LUZP2: variants seen among roughly 807,000 people sequenced by gnomAD.
The protein encoded by LUZP2 is leucine zipper protein 2.
LUZP2 carries 52 observed loss-of-function variants against 51.6 expected under a neutral mutation model. The observed-to-expected ratio is 1.01, with a 90% CI of 0.81 to 1.27. LUZP2 has a LOEUF of 1.27. Among genes scored for constraint, LUZP2 ranks in the 50% most tolerant of loss-of-function variants. The pLI is 0.00. For synonymous variants in LUZP2, 154 were observed against 137.3 expected (o/e 1.12, Z -0.85); for missense variants, 436 against 395.4 (o/e 1.10, Z -0.87).
chr11:24,965,114 C>T (rs1176773833), intron 7 of LUZP2, among the ~76,000 whole-genome samples: 5 of 151,046 alleles, frequency 3.3e-5, no homozygotes, highest in East Asian at 3.9e-4. Context: ...TATAGGAAGA[C>T]GTCTAAACCA....
chr11:24,603,178 A>G (rs961593327), intron 1 of LUZP2, among the ~76,000 whole-genome samples: 5 of 151,786 alleles, frequency 3.3e-5, no homozygotes, highest in Non-Finnish European at 7.4e-5. Context: ...AGGTCCTGAG[A>G]ATTAATGTGA....
intron 5 of LUZP2, among the ~76,000 whole-genome samples, chr11:24,873,769 A>C (rs1234462746): frequency 1.3e-5 from 2 of 152,194 alleles, no homozygotes; most frequent in African/African-American, 4.8e-5. Flanking sequence ...CTGCCTTTGA[A>C]AAGCTGTGTG....
At position 25,077,313 on chromosome 11, in the gene LUZP2, A is replaced by G; in HGVS notation, c.859-16A>G. On this transcript the variant is annotated splice_polypyrimidine_tract_variant and intron_variant, in intron 10 of 11. Coordinates refer to ENST00000336930, the MANE Select transcript of LUZP2 (RefSeq NM_001009909.4). ...CTTTAACTTCATTGATGTATTTTTAATTGCTACTTTTGTAGGAGGGCAGAC... is the reference window on the plus strand; with the variant it reads ...CTTTAACTTCATTGATGTATTTTTAGTTGCTACTTTTGTAGGAGGGCAGAC... 1.9e-6 allele frequency: 3 copies of G among 1,597,548 alleles called. No homozygotes were observed. The highest frequency in any genetic ancestry group is 2.6e-6 in the Non-Finnish European group (3 of 1,165,886).
At chr11:24,614,125 G>T (rs888194007) in intron 1 of LUZP2, among the ~76,000 whole-genome samples, 2 of 151,860 alleles carry the variant, frequency 1.3e-5, no homozygotes, top group African/African-American at 4.8e-5. Context: ...GTAGATTTTT[G>T]AATGGATTCT....
intron 1 of LUZP2, among the ~76,000 whole-genome samples, chr11:24,587,350 TCCC>T: frequency 6.6e-6 from 1 of 152,108 alleles, no homozygotes; most frequent in African/African-American, 2.4e-5. Context: ...AATTCAGAAT[TCCC>T]TATCTGGAAT....
At chr11:24,703,033 G>T (rs1156602392) in intron 1 of LUZP2, among the ~76,000 whole-genome samples, 1 of 152,216 alleles carries the variant, frequency 6.6e-6, no homozygotes, top group Non-Finnish European at 1.5e-5. Flanking sequence ...AGTTAAGACA[G>T]AGGAGACTGA....
At chr11:24,554,701 A>ATTTTTT (rs397747044) in intron 1 of LUZP2, among the ~76,000 whole-genome samples, 74,401 of 133,284 alleles carry the variant, frequency 0.56, 21,836 homozygotes, top group East Asian at 0.69. Flanking sequence ...TGGTTATTTA[A>ATTTTTT]TTTTTTTTTT....
At chr11:24,621,872 T>A (rs1342635278) in intron 1 of LUZP2, among the ~76,000 whole-genome samples, 1 of 152,052 alleles carries the variant, frequency 6.6e-6, no homozygotes, top group African/African-American at 2.4e-5. Flanking sequence ...TGTAGTCTCC[T>A]TTTCTTATTT....
intron 1 of LUZP2, among the ~76,000 whole-genome samples, chr11:24,512,071 C>T (rs1415899587): frequency 6.6e-6 from 1 of 152,094 alleles, no homozygotes. Context: ...TTTTGTCCAA[C>T]TGGGAGAGGG....
chr11:24,573,156 G>A (rs1852496324), intron 1 of LUZP2, among the ~76,000 whole-genome samples: 1 of 151,876 alleles, frequency 6.6e-6, no homozygotes, highest in African/African-American at 2.4e-5. Flanking sequence ...AGATACCAGA[G>A]TAACAAGCAT....
chr11:24,646,103 G>C (rs949847664), intron 1 of LUZP2, among the ~76,000 whole-genome samples: 1 of 151,968 alleles, frequency 6.6e-6, no homozygotes, highest in African/African-American at 2.4e-5. Flanking sequence ...GATAACATCA[G>C]CTTCAAAGTG....
chr11:24,939,396 CT>C (rs1399178238), intron 7 of LUZP2, among the ~76,000 whole-genome samples: 2 of 151,986 alleles, frequency 1.3e-5, no homozygotes, highest in Non-Finnish European at 2.9e-5. Context: ...ACAAGTATTT[CT>C]ACCACTCTCG....
At chr11:24,553,190 G>A (rs570618967) in intron 1 of LUZP2, among the ~76,000 whole-genome samples, 1 of 151,654 alleles carries the variant, frequency 6.6e-6, no homozygotes, top group Admixed American at 6.6e-5. Flanking sequence ...ATTTCTGTGC[G>A]TGTTGAATAA....
chr11:24,623,522 G>A (rs550551974), intron 1 of LUZP2, among the ~76,000 whole-genome samples: 6 of 152,144 alleles, frequency 3.9e-5, no homozygotes, highest in South Asian at 2.1e-4. Context: ...TGGAAATGTC[G>A]TATCACAGCT....
chr11:24,606,037 C>T (rs1280031636), intron 1 of LUZP2, among the ~76,000 whole-genome samples: 1 of 151,800 alleles, frequency 6.6e-6, no homozygotes, highest in Non-Finnish European at 1.5e-5. Context: ...ACAGAATCTT[C>T]ATATTTTTTA....
At chr11:24,960,144 C>T (rs1297862148) in intron 7 of LUZP2, among the ~76,000 whole-genome samples, 20 of 152,008 alleles carry the variant, frequency 1.3e-4, no homozygotes, top group East Asian at 3.9e-4. Context: ...CTGCTGGATT[C>T]GGTTTGCCAG....
At chr11:24,735,476 C>A (rs1858900899) in intron 3 of LUZP2, among the ~76,000 whole-genome samples, 1 of 151,778 alleles carries the variant, frequency 6.6e-6, no homozygotes, top group Non-Finnish European at 1.5e-5. Context: ...TTGGTAGATT[C>A]CCAGAAGGCA....
chr11:24,685,001 T>C (rs1375329066), intron 1 of LUZP2, among the ~76,000 whole-genome samples: 1 of 150,856 alleles, frequency 6.6e-6, no homozygotes, highest in East Asian at 2.0e-4. Flanking sequence ...TCTCTTAAAG[T>C]GTCACCACTT....
chr11:24,744,167 A>T (rs1859287719), intron 4 of LUZP2, among the ~76,000 whole-genome samples: 1 of 152,022 alleles, frequency 6.6e-6, no homozygotes, highest in African/African-American at 2.4e-5. Context: ...ATTGGTCTGT[A>T]GTTTTATTTT....
Sources: gnomAD v4.1 joint callset for allele counts (sites outside exome capture counted in the v4.1 genomes callset) on GRCh38, gnomAD v4.1.1 for gene constraint, MANE v1.5 for transcripts, NCBI Gene and HGNC (gene_info 2026-07-23, HGNC 2026-07-21) for gene names.